LRP10: variants seen among roughly 807,000 people sequenced by gnomAD.
LRP10 encodes LDL receptor related protein 10.
LRP10 carries 42 observed loss-of-function variants against 58.5 expected under a neutral mutation model. The ratio of observed to expected loss-of-function variants is 0.72; its 90% confidence interval spans 0.56 to 0.93. The LOEUF is 0.93. LRP10 is among the 40% of genes least tolerant of loss of function. The pLI is 0.00. For synonymous variants in LRP10, 377 were observed against 388.5 expected (o/e 0.97, Z 0.35); for missense variants, 872 against 940.1 (o/e 0.93, Z 0.95).
Position 22,880,866 on chromosome 14 carries a change from T to C in LRP10, c.*3339T>C, listed in dbSNP as rs2040054762. 1.3e-5 allele frequency: 2 copies of C among 152,208 alleles called. No homozygotes were observed. Among genetic ancestry groups the C allele is most frequent in the African/African-American group, 4.8e-5 (2 of 41,416 alleles). 9.4% of individuals were successfully genotyped at this position (152,208 alleles called of 1,614,324 possible). Reference sequence around the variant, plus strand: ...TAAAAATACAAAAATAAGCTGGGCATGGTGGTGCGTGCCTGTAGTCCCATC... The same window carrying C: ...TAAAAATACAAAAATAAGCTGGGCACGGTGGTGCGTGCCTGTAGTCCCATC... On this transcript the variant is annotated 3_prime_UTR_variant, in exon 7 of 7. Transcript: ENST00000359591.
chr14:22,877,249 C>T lies in LRP10; in HGVS notation c.1864C>T (p.Leu622Phe), dbSNP rs1441105744. 2.5e-6 allele frequency: 4 copies of T among 1,609,184 alleles called. No individual in the cohort carries two copies. Among genetic ancestry groups the T allele is most frequent in the African/African-American group, 1.3e-5 (1 of 74,986 alleles). ...ACCCCCACTGCCCATCAAGGCTCCC[C>T]TCCCATCTGCTAGCACGTCTCCAGC... is the stretch of plus-strand genomic sequence containing the variant. ...QAPPLPIKAPLPSASTSPAPT... is the reference protein window; with the variant it reads ...QAPPLPIKAPFPSASTSPAPT... Residue 622 changes from leucine to phenylalanine, a missense_variant, in exon 7 of 7, where the codon CTC (leucine) becomes TTC (phenylalanine). Transcript: ENST00000359591. The surrounding 1 kb of genome is among the most constrained non-coding windows in gnomAD (Gnocchi z 5.1).
rs1479411368 is a variant in LRP10, at chr14:22,872,165, A to G, written c.-139A>G. ...CCCCGCCCCCAGCCCTGGCATCCAG[A>G]GTACGGGTCGAGCCCGGGCCATGGA... On this transcript the variant is annotated 5_prime_UTR_variant, in exon 1 of 7. Transcript: ENST00000359591. The G allele has an allele frequency of 2.4e-6, 2 of 830,812 alleles. No homozygotes were observed. Among genetic ancestry groups the G allele is most frequent in the Non-Finnish European group, 4.1e-6 (2 of 491,502 alleles). 51.5% of individuals were successfully genotyped at this position (830,812 alleles called of 1,614,324 possible). A position where few individuals can be genotyped will look rare whatever the true frequency, so the allele number is the denominator to read the frequency against.
In LRP10 at chr14:22,878,396, G is replaced by A. The variant is rs1441944301; in HGVS notation, c.*869G>A. 1 of 152,176 alleles carries A rather than the reference G, an allele frequency of 6.6e-6. No homozygotes were observed. Among genetic ancestry groups the A allele is most frequent in the Admixed American group, 6.6e-5 (1 of 15,266 alleles). 9.4% of individuals were successfully genotyped at this position (152,176 alleles called of 1,614,324 possible). A position where few individuals can be genotyped will look rare whatever the true frequency, so the allele number is the denominator to read the frequency against. ...GGAGCCAGCTGGGCCCTGCGGTCAGGAAGGTTCTCATTTTTGGAGCATACC... is the reference window on the plus strand; with the variant it reads ...GGAGCCAGCTGGGCCCTGCGGTCAGAAAGGTTCTCATTTTTGGAGCATACC... On this transcript the variant is annotated 3_prime_UTR_variant, in exon 7 of 7. Coordinates refer to ENST00000359591, the MANE Select transcript of LRP10 (RefSeq NM_014045.5).
chr14:22,875,544 TC>T lies in LRP10; in HGVS notation c.597del (p.Tyr200MetfsTer12). 6.2e-7 allele frequency: 1 copy of T among 1,614,108 alleles called. No individual in the cohort carries two copies. Among genetic ancestry groups the T allele is most frequent in the Non-Finnish European group, 8.5e-7 (1 of 1,179,960 alleles). ...CCTTGCAATGTCACCTTGGAGGACT[TC>T]TATGGGGTCTTCTCCTCTCCTGGAT... ...SLPCNVTLED[F>X]YGVFSSPGYT... On this transcript the variant is annotated frameshift_variant, in exon 5 of 7. Transcript: ENST00000359591. LOFTEE classifies it high-confidence loss of function.
At position 22,877,633 on chromosome 14, in the gene LRP10, C is replaced by T. The variant is rs2040022978; in HGVS notation, c.*106C>T. 1.2e-6 allele frequency: 1 copy of T among 850,988 alleles called. No homozygotes were observed. Among genetic ancestry groups the T allele is most frequent in the Middle Eastern group, 3.6e-4 (1 of 2,750 alleles). 52.7% of individuals were successfully genotyped at this position (850,988 alleles called of 1,614,324 possible). A position where few individuals can be genotyped will look rare whatever the true frequency, so the allele number is the denominator to read the frequency against. On this transcript the variant is annotated 3_prime_UTR_variant, in exon 7 of 7. Transcript: ENST00000359591. The surrounding 1 kb of genome is among the most constrained non-coding windows in gnomAD (Gnocchi z 5.1). ...TCCCCTCCACCACTTCCTTCCCTGTCCCTGGATTTCAGGGACTTGGTGGGC... is the reference window on the plus strand; with the variant it reads ...TCCCCTCCACCACTTCCTTCCCTGTTCCTGGATTTCAGGGACTTGGTGGGC...
intron 4 of LRP10, 21 bp downstream of exon 4, chr14:22,875,266 T>G (rs1348609965): frequency 6.3e-7 from 1 of 1,583,052 alleles, no homozygotes; most frequent in South Asian, 1.2e-5. Context: ...CAGGGATGTC[T>G]GAGGAGCAGG....
In LRP10 at chr14:22,875,230, C is replaced by T; in HGVS notation, c.391C>T (p.Leu131Phe). 1 of 1,600,004 alleles carries T rather than the reference C, an allele frequency of 6.2e-7. No homozygotes were observed. The highest frequency in any genetic ancestry group is 1.3e-5 in the African/African-American group (1 of 74,820). The change falls in exon 4 of 7, where the codon CTC becomes TTC. Residue 131 changes from leucine to phenylalanine, a missense_variant. Coordinates refer to ENST00000359591, the MANE Select transcript of LRP10 (RefSeq NM_014045.5). ...ARAPMGQGFL[L>F]SYSQDWLMCL... ...AGCACCCATGGGCCAGGGCTTCCTG[C>T]TCTCCTACAGCCAAGGTAGGCTGGA...
intron 2 of LRP10, 180 bp from the exon 3 acceptor site, chr14:22,873,131 T>G: frequency 1.4e-6 from 1 of 690,758 alleles, no homozygotes; most frequent in Non-Finnish European, 2.4e-6. Flanking sequence ...CTATGAAGAA[T>G]GTGGAGAGAA....
intron 1 of LRP10, 78 bp downstream of exon 1, chr14:22,872,415 C>T (rs1015089470): frequency 5.8e-6 from 9 of 1,546,884 alleles, no homozygotes; most frequent in Non-Finnish European, 8.0e-6. Context: ...TGCGGCCCCG[C>T]ACTCTATCCT....
In LRP10 at chr14:22,871,803, C is replaced by A. The variant is rs2039956318; in HGVS notation, c.-501C>A. 5.4e-6 allele frequency: 1 copy of A among 183,764 alleles called. No homozygotes were observed. Among genetic ancestry groups the A allele is most frequent in the African/African-American group, 2.4e-5 (1 of 41,620 alleles). The allele number at this position is 183,764 out of a possible 1,614,324, so 11.4% of individuals were successfully genotyped here. ...TACCGCCTGGGCAAGGGCCGGGGCG[C>A]CGGGCCGAGCCACCTCTTCCCCTCC... is the stretch of plus-strand genomic sequence containing the variant. On this transcript the variant is annotated 5_prime_UTR_variant, in exon 1 of 7. Transcript: ENST00000359591.
chr14:22,872,638 C>A, intron 1 of LRP10, 100 bp from the exon 2 acceptor site: 1 of 1,195,832 alleles, frequency 8.4e-7, no homozygotes, highest in Non-Finnish European at 1.2e-6. Context: ...TTCCGATTAA[C>A]TGCCCGGAAG....
chr14:22,876,220 T>C lies in LRP10; in HGVS notation c.1272T>C (p.Cys424=). 6.2e-7 allele frequency: 1 copy of C among 1,614,188 alleles called. No individual in the cohort carries two copies. Among genetic ancestry groups the C allele is most frequent in the Non-Finnish European group, 8.5e-7 (1 of 1,180,032 alleles). ...ETWVCDGQPD[C]ADGSDEWDCS... ...GGGTGTGCGATGGGCAGCCAGACTG[T>C]GCGGACGGCAGTGATGAGTGGGACT... Residue 424 remains cysteine (C), a synonymous_variant, in exon 5 of 7, where the codon TGT becomes TGC. Coordinates refer to ENST00000359591, the MANE Select transcript of LRP10 (RefSeq NM_014045.5).
At chr14:22,872,966 T>G (rs1190468651) in intron 2 of LRP10, 184 bp downstream of exon 2, 1 of 638,380 alleles carries the variant, frequency 1.6e-6, no homozygotes, top group Non-Finnish European at 2.7e-6. Flanking sequence ...TGCTATGTAC[T>G]ATTTTATTTT....
In LRP10 at chr14:22,872,087, C is replaced by G. The variant is rs1292989987; in HGVS notation, c.-217C>G. 1.7e-6 allele frequency: 1 copy of G among 597,436 alleles called. No homozygotes were observed. Among genetic ancestry groups the G allele is most frequent in the Non-Finnish European group, 3.0e-6 (1 of 336,108 alleles). The allele number at this position is 597,436 out of a possible 1,614,324, so 37.0% of individuals were successfully genotyped here. ...AGAGTGCGGCGGCGGACGGAGAAAACAACTCCAAAGTTGGCGAAAGGCACC... is the reference window on the plus strand; with the variant it reads ...AGAGTGCGGCGGCGGACGGAGAAAAGAACTCCAAAGTTGGCGAAAGGCACC... On this transcript the variant is annotated 5_prime_UTR_variant, in exon 1 of 7. Transcript: ENST00000359591.
intron 3 of LRP10, 47 bp downstream of exon 3, chr14:22,873,493 T>C: frequency 1.3e-6 from 2 of 1,588,272 alleles, no homozygotes; most frequent in East Asian, 2.3e-5. Context: ...CCCCTGCCCC[T>C]TCCCCTCCAT....
chr14:22,872,405 T>G, intron 1 of LRP10, 68 bp downstream of exon 1: 2 of 1,586,450 alleles, frequency 1.3e-6, no homozygotes, highest in Non-Finnish European at 1.7e-6. Context: ...CTCCCTCCAG[T>G]GCGGCCCCGC....
rs1362815890 is a variant in LRP10, at chr14:22,876,982, C to T, written c.1597C>T (p.Arg533Cys). The change falls in exon 7 of 7, where the codon CGC becomes TGC. Residue 533 changes from arginine (R) to cysteine (C), a missense_variant. Coordinates refer to ENST00000359591, the MANE Select transcript of LRP10 (RefSeq NM_014045.5). ...GNLRSLLQIL[R>C]QDMTPGGGPG... is the part of the protein sequence containing the mutation. The stretch of plus-strand genomic sequence containing the variant: ...CCTGCGTTCTCTGCTACAGATCTTA[C>T]GCCAGGATATGACTCCAGGAGGTGG... The T allele has an allele frequency of 5.6e-6, 9 of 1,603,514 alleles. No individual in the cohort carries two copies. Among genetic ancestry groups the T allele is most frequent in the African/African-American group, 1.3e-5 (1 of 74,830 alleles).
chr14:22,873,386 C>G lies in LRP10; in HGVS notation c.155C>G (p.Thr52Ser). Reference sequence around the variant, plus strand: ...AGGCCCCTGGTCCGGGACAGCCGCACCTCCCCTGCCAACTGCACCTGGCTC... The same window carrying G: ...AGGCCCCTGGTCCGGGACAGCCGCAGCTCCCCTGCCAACTGCACCTGGCTC... The part of the protein sequence containing the change: ...LQRPLVRDSR[T>S]SPANCTWLIL... The change falls in exon 3 of 7, where the codon ACC (threonine) becomes AGC (serine). Residue 52 changes from threonine to serine, a missense_variant. Physicochemically the swap from Thr to Ser is moderately conservative, Grantham distance 58. Transcript: ENST00000359591. 1 of 1,614,160 alleles carries G rather than the reference C, an allele frequency of 6.2e-7. No homozygotes were observed. Among genetic ancestry groups the G allele is most frequent in the Non-Finnish European group, 8.5e-7 (1 of 1,180,014 alleles).
chr14:22,872,126 G>A lies in LRP10; in HGVS notation c.-178G>A. The A allele has an allele frequency of 1.6e-6, 1 of 642,626 alleles. No individual in the cohort carries two copies. The highest frequency in any genetic ancestry group is 2.8e-6 in the Non-Finnish European group (1 of 361,628). The allele number at this position is 642,626 out of a possible 1,614,324, so 39.8% of individuals were successfully genotyped here. A position where few individuals can be genotyped will look rare whatever the true frequency, so the allele number is the denominator to read the frequency against. The stretch of plus-strand genomic sequence containing the variant: ...GCGAAAGGCACCGCCCCTACTCCCG[G>A]GCTGCCGCCGCCTCCCCGCCCCCAG... On this transcript the variant is annotated 5_prime_UTR_variant, in exon 1 of 7. Coordinates refer to ENST00000359591, the MANE Select transcript of LRP10 (RefSeq NM_014045.5).
Sources: gnomAD v4.1 joint callset for allele counts on GRCh38, gnomAD v4.1.1 for gene constraint, Gnocchi (gnomAD v3.1) non-coding constraint, MANE v1.5 for transcripts, NCBI Gene and HGNC (gene_info 2026-07-23, HGNC 2026-07-21) for gene names.